Variants in TRDN observed in about 807,000 individuals in gnomAD.
TRDN encodes the protein triadin, also known as triadin in skeletal muscle.
A neutral mutation model predicts 149.7 loss-of-function variants in TRDN; 161 were observed. That is an observed-to-expected ratio of 1.08 (90% CI 0.95 to 1.23). The LOEUF (loss-of-function observed/expected upper bound fraction) is 1.23, where lower values mean the gene tolerates loss of function less well. Among genes scored for constraint, TRDN ranks in the 50% most tolerant of loss-of-function variants. The pLI is 0.00. For missense variants in TRDN, 896 were observed against 823.5 expected (o/e 1.09, Z -1.08); for synonymous variants, 294 against 250.5 (o/e 1.17, Z -1.64).
chr6:123,586,159 C>T (rs2114601412), intron 1 of TRDN, among the ~76,000 whole-genome samples: 1 of 152,202 alleles, frequency 6.6e-6, no homozygotes, highest in East Asian at 1.9e-4. Context: ...GAAAAAGGAG[C>T]ATTAACCTTG....
At chr6:123,396,307 G>A (rs1772731636) in intron 12 of TRDN, among the ~76,000 whole-genome samples, 1 of 152,148 alleles carries the variant, frequency 6.6e-6, no homozygotes, top group Admixed American at 6.5e-5. Flanking sequence ...AGGATAATGA[G>A]CCCACCGTTT....
intron 24 of TRDN, among the ~76,000 whole-genome samples, chr6:123,284,574 AG>A (rs1410214532): frequency 1.3e-5 from 2 of 152,102 alleles, no homozygotes; most frequent in Non-Finnish European, 2.9e-5. Context: ...AATGGGAAAA[AG>A]TTGAAAGCAT....
intron 9 of TRDN, among the ~76,000 whole-genome samples, chr6:123,482,909 A>G (rs990996224): frequency 4.6e-5 from 7 of 152,120 alleles, no homozygotes; most frequent in East Asian, 1.9e-4. Context: ...CAAATAGGGC[A>G]GTGGGCATTT....
At chr6:123,574,064 A>G (rs2114550249) in intron 1 of TRDN, among the ~76,000 whole-genome samples, 1 of 152,178 alleles carries the variant, frequency 6.6e-6, no homozygotes, top group African/African-American at 2.4e-5. Flanking sequence ...AAGAGCACAT[A>G]CTAACAGGTG....
chr6:123,572,688 A>G (rs1438873115), intron 1 of TRDN, among the ~76,000 whole-genome samples: 1 of 152,120 alleles, frequency 6.6e-6, no homozygotes, highest in African/African-American at 2.4e-5. Context: ...CAATCCAAAT[A>G]TTTTTGCCAA....
chr6:123,328,383 A>C (rs1323678023), intron 23 of TRDN, among the ~76,000 whole-genome samples: 1 of 152,150 alleles, frequency 6.6e-6, no homozygotes, highest in Non-Finnish European at 1.5e-5. Context: ...ACCAACACCA[A>C]CACCACCTGC....
chr6:123,277,784 T>G (rs558238944), intron 26 of TRDN, among the ~76,000 whole-genome samples: 2 of 152,304 alleles, frequency 1.3e-5, no homozygotes, highest in East Asian at 3.9e-4. Context: ...AAATTTCTGT[T>G]GTTTTAAGCC....
chr6:123,444,783 G>C (rs927720950), intron 10 of TRDN, among the ~76,000 whole-genome samples: 4 of 152,128 alleles, frequency 2.6e-5, no homozygotes, highest in Non-Finnish European at 5.9e-5. Flanking sequence ...ATAATTATGT[G>C]GTTTTTGTCT....
chr6:123,567,452 A>G (rs757972164), intron 2 of TRDN, among the ~76,000 whole-genome samples: 2 of 152,180 alleles, frequency 1.3e-5, no homozygotes, highest in Non-Finnish European at 2.9e-5. Context: ...AGACTGGGTC[A>G]TTTATAAAGA....
At chr6:123,563,518 C>G (rs1409538011) in intron 2 of TRDN, among the ~76,000 whole-genome samples, 4 of 152,136 alleles carry the variant, frequency 2.6e-5, no homozygotes, top group African/African-American at 9.7e-5. Flanking sequence ...AGATTTGAAT[C>G]TATGCGTATA....
At position 123,390,848 on chromosome 6, in the gene TRDN, A is replaced by G. The variant is rs188073648; in HGVS notation, c.1106-2297T>C. ...AAAAGACTGGAATGGCTAACATTCT[A>G]GTTTTGTTGATGTTGTTCTCTTTCT... On this transcript the variant is annotated intron_variant, in intron 13 of 40. Transcript: ENST00000334268. Among the ~76,000 whole-genome samples, 54 of 152,182 alleles carry G rather than the reference A, an allele frequency of 3.5e-4. No homozygotes were observed. In the East Asian group the frequency reaches 6.6e-3, roughly 19 times the overall value.
At chr6:123,243,353 C>A (rs1434683323) in intron 38 of TRDN, among the ~76,000 whole-genome samples, 1 of 152,056 alleles carries the variant, frequency 6.6e-6, no homozygotes, top group Non-Finnish European at 1.5e-5. Context: ...TAGATAGCAA[C>A]ATAAGGATAT....
At chr6:123,490,760 G>A (rs1778179416) in intron 9 of TRDN, among the ~76,000 whole-genome samples, 1 of 152,114 alleles carries the variant, frequency 6.6e-6, no homozygotes, top group South Asian at 2.1e-4. Context: ...TGGACAATGT[G>A]AATTTAAAAA....
chr6:123,403,975 T>G (rs1773092414), intron 12 of TRDN, among the ~76,000 whole-genome samples: 1 of 152,178 alleles, frequency 6.6e-6, no homozygotes, highest in African/African-American at 2.4e-5. Flanking sequence ...ATGTATATAA[T>G]TGGGATACTA....
At chr6:123,425,412 C>T (rs1774081542) in intron 12 of TRDN, among the ~76,000 whole-genome samples, 2 of 151,830 alleles carry the variant, frequency 1.3e-5, no homozygotes, top group Middle Eastern at 3.4e-3. Flanking sequence ...CAGTGAGAGG[C>T]CCCAGTTGGA....
chr6:123,534,873 A>G (rs1780445306), intron 4 of TRDN, among the ~76,000 whole-genome samples: 1 of 152,140 alleles, frequency 6.6e-6, no homozygotes, highest in Non-Finnish European at 1.5e-5. Flanking sequence ...CTTAAACCTG[A>G]ACCAAACCTG....
chr6:123,273,238 A>C (rs1007683389), intron 28 of TRDN, 99 bp downstream of exon 28: 1 of 937,712 alleles, frequency 1.1e-6, no homozygotes, highest in South Asian at 1.9e-5. Context: ...GTAATAAAAC[A>C]TAAATATAAA....
chr6:123,411,715 G>A (rs1773448626), intron 12 of TRDN: 1 of 152,062 alleles, frequency 6.6e-6, no homozygotes, highest in Non-Finnish European at 1.5e-5. Context: ...CCATCTGCAG[G>A]TATCTTTTTA....
At chr6:123,289,606 C>T (rs1203804919) in intron 24 of TRDN, among the ~76,000 whole-genome samples, 4 of 152,090 alleles carry the variant, frequency 2.6e-5, no homozygotes, top group Non-Finnish European at 5.9e-5. Context: ...GAGTTACTGC[C>T]CCTTTCCATG....
Sources: allele counts gnomAD v4.1 joint callset (sites outside exome capture counted in the v4.1 genomes callset), GRCh38; gene constraint gnomAD v4.1.1; transcripts MANE v1.5; gene names NCBI Gene and HGNC (gene_info 2026-07-23, HGNC 2026-07-21).